The following HK1 variants were observed in gnomAD, a reference collection of about 807,000 sequenced individuals.
HK1 encodes hexokinase 1.
A neutral mutation model predicts 91.6 loss-of-function variants in HK1; 28 were observed. The observed-to-expected ratio is 0.31, with a 90% CI of 0.23 to 0.42. HK1 has a LOEUF of 0.42. Among genes scored for constraint, HK1 ranks in the 10% least tolerant of loss-of-function variants. The pLI, the probability that HK1 is intolerant of heterozygous loss-of-function variation, is 1.00. For synonymous variants in HK1, 430 were observed against 468.1 expected, an observed-to-expected ratio of 0.92 and a Z score of 1.05; for missense variants, 770 against 1,219.8, an observed-to-expected ratio of 0.63 and a Z score of 5.49.
At chr10:69,381,706 A>T (rs1431003047) in intron 9 of HK1, among the ~76,000 whole-genome samples, 1 of 152,118 alleles carries the variant, frequency 6.6e-6, no homozygotes, top group African/African-American at 2.4e-5. Context: ...GGCATCTGCC[A>T]CCATACCCAG....
intron 3 of HK1, among the ~76,000 whole-genome samples, chr10:69,361,764 A>G (rs1849430949): frequency 6.6e-6 from 1 of 152,158 alleles, no homozygotes; most frequent in Non-Finnish European, 1.5e-5. Context: ...GCAGCCTGAA[A>G]AGAGGATGAT....
chr10:69,299,337 T>TTTTG (rs955651664), intron 4 of HK1, among the ~76,000 whole-genome samples: 1 of 149,236 alleles, frequency 6.7e-6, no homozygotes, highest in Non-Finnish European at 1.5e-5. Flanking sequence ...CTGCCCATTT[T>TTTTG]TTTGTTTGTT....
intron 5 of HK1, among the ~76,000 whole-genome samples, chr10:69,306,431 C>T (rs1846108688): frequency 6.7e-6 from 1 of 150,258 alleles, no homozygotes; most frequent in African/African-American, 2.4e-5. Flanking sequence ...GTGAGCAGTG[C>T]AGGAAAGAGG....
At chr10:69,311,191 C>G (rs1846359262), upstream of HK1, among the ~76,000 whole-genome samples, 1 of 152,158 alleles carries the variant, frequency 6.6e-6, no homozygotes. Flanking sequence ...TTCTATCAGT[C>G]TGTTGATGTT....
intron 14 of HK1, among the ~76,000 whole-genome samples, chr10:69,390,091 G>A (rs1273585694): frequency 1.3e-5 from 2 of 152,212 alleles, no homozygotes. Context: ...CTTGGGAAGA[G>A]GCCCCAGCAG....
intron 1 of HK1, among the ~76,000 whole-genome samples, chr10:69,273,661 A>G (rs1844295282): frequency 6.6e-6 from 1 of 152,198 alleles, no homozygotes; most frequent in Non-Finnish European, 1.5e-5. Flanking sequence ...CAGTTTGCAT[A>G]ATCTCCAATA....
intron 17 of HK1, among the ~76,000 whole-genome samples, chr10:69,400,251 C>A (rs1349826675): frequency 6.6e-6 from 1 of 152,174 alleles, no homozygotes; most frequent in African/African-American, 2.4e-5. Context: ...CTGGCATGAG[C>A]CACCGCACTC....
intron 10 of HK1, among the ~76,000 whole-genome samples, chr10:69,383,075 C>T (rs1004302847): frequency 4.6e-5 from 7 of 152,132 alleles, no homozygotes; most frequent in Admixed American, 2.6e-4. Flanking sequence ...AGGTGACACA[C>T]GCCTGTCATC....
intron 3 of HK1, among the ~76,000 whole-genome samples, chr10:69,295,081 G>A (rs1426134246): frequency 2.0e-5 from 3 of 151,850 alleles, no homozygotes; most frequent in Non-Finnish European, 2.9e-5. Context: ...AGCGAGGGGA[G>A]GGCAGAATGC....
chr10:69,338,238 C>A, intron 1 of HK1: 1 of 1,124,592 alleles, frequency 8.9e-7, no homozygotes, highest in South Asian at 2.1e-5. Context: ...GTCTGGCTAC[C>A]CTCATAGGAA....
exon 4 of HK1, chr10:69,295,670 C>T (rs1167323917): frequency 6.2e-7 from 1 of 1,601,614 alleles, no homozygotes; most frequent in East Asian, 2.2e-5. Flanking sequence ...CATCTACTTG[C>T]TGAAAGTGAG....
chr10:69,294,112 C>T (rs10823334), intron 3 of HK1, among the ~76,000 whole-genome samples: 22,047 of 152,048 alleles, frequency 0.14, 2,049 homozygotes, highest in Non-Finnish European at 0.2. Flanking sequence ...CCACCCGCCT[C>T]GGCCTCCCAA....
At position 69,342,976 on chromosome 10, in the gene HK1, C is replaced by T. The variant is rs770122161; in HGVS notation, c.64-851C>T. The stretch of plus-strand genomic sequence containing the variant: ...AGGAGCCTGGGCAGCTTGAGGAGAA[C>T]GGGGAACTCAGGAAGAGGAGCAGGT... On this transcript the variant is annotated intron_variant, in intron 1 of 17. Coordinates refer to ENST00000359426, the MANE Select transcript of HK1 (RefSeq NM_000188.3). Among the ~76,000 whole-genome samples, 62 of 152,234 alleles carry T rather than the reference C, an allele frequency of 4.1e-4. No homozygotes were observed. In the Middle Eastern group the frequency reaches 0.024, roughly 59 times the overall value.
chr10:69,365,407 C>T (rs1299485776), intron 4 of HK1, among the ~76,000 whole-genome samples: 1 of 152,184 alleles, frequency 6.6e-6, no homozygotes, highest in Non-Finnish European at 1.5e-5. Flanking sequence ...TGTTTGTCAT[C>T]TATTTGTTTT....
In HK1 at chr10:69,369,690, G is replaced by A; in HGVS notation, c.875+66G>A. On this transcript the variant is annotated intron_variant, in intron 7 of 17. Transcript: ENST00000359426. This position sits in a 1 kb window ranked among gnomAD's most constrained non-coding sequence, Gnocchi z 4.4. ...AGGGGACATTTGATGAAAGATTTGG[G>A]ATGGGAGATGAAAAGGGCATAAAGC... 6.9e-7 allele frequency: 1 copy of A among 1,445,364 alleles called. No individual in the cohort carries two copies. The highest frequency in any genetic ancestry group is 9.6e-7 in the Non-Finnish European group (1 of 1,042,820). The allele number at this position is 1,445,364 out of a possible 1,614,324, so 89.5% of individuals were successfully genotyped here.
intron 3 of HK1, among the ~76,000 whole-genome samples, chr10:69,290,498 T>TTTG (rs1042732354): frequency 6.6e-6 from 1 of 152,056 alleles, no homozygotes; most frequent in Admixed American, 6.6e-5. Flanking sequence ...CGTTTGTTTG[T>TTTG]TTGTTGTTGT....
upstream of HK1, chr10:69,316,106 C>A: frequency 9.6e-7 from 1 of 1,043,362 alleles, no homozygotes; most frequent in Non-Finnish European, 1.5e-6. Context: ...GAAGGCAGGG[C>A]AAGGAAGGGA....
chr10:69,398,757 C>T lies in HK1; in HGVS notation c.2538C>T (p.Arg846=), dbSNP rs10998760. The change falls in exon 17 of 18, where the codon CGC becomes CGT. Residue 846 remains arginine (R), a synonymous_variant. Transcript: ENST00000359426. ...TGGCTGCGGTTGTGGATAAGATCCG[C>T]GAGAACAGAGGACTGGACCGTCTGA... ...AGMAAVVDKI[R]ENRGLDRLNV... is the part of the protein sequence containing the mutation. The T allele has an allele frequency of 2.6e-3, 4,190 of 1,614,162 alleles. 85 individuals carry two copies. The African/African-American group carries it at 0.049, about 19-fold the overall frequency.
At chr10:69,355,010 A>C (rs1849057924) in intron 2 of HK1, among the ~76,000 whole-genome samples, 1 of 148,854 alleles carries the variant, frequency 6.7e-6, no homozygotes, top group Non-Finnish European at 1.5e-5. Context: ...CAGAGGTTGC[A>C]ATGAGCCAAG....
Sources: gnomAD v4.1 joint callset for allele counts (sites outside exome capture counted in the v4.1 genomes callset) on GRCh38, gnomAD v4.1.1 for gene constraint, Gnocchi (gnomAD v3.1) non-coding constraint, MANE v1.5 for transcripts, NCBI Gene and HGNC (gene_info 2026-07-23, HGNC 2026-07-21) for gene names.